Variants in TFDP2 observed in about 807,000 individuals in gnomAD.
The protein encoded by TFDP2 is transcription factor Dp-2 (E2F dimerization partner 2).
In TFDP2, 17 loss-of-function variants were observed where a neutral mutation model predicts 59.3. The observed-to-expected ratio is 0.29, with a 90% CI of 0.20 to 0.43. The LOEUF (loss-of-function observed/expected upper bound fraction) is 0.43, where lower values mean the gene tolerates loss of function less well. Among genes scored for constraint, TFDP2 ranks in the 20% least tolerant of loss-of-function variants. TFDP2 has a pLI of 1.00. For synonymous variants in TFDP2, 180 were observed against 194.7 expected (o/e 0.92, Z 0.63); for missense variants, 391 against 528.8 (o/e 0.74, Z 2.56).
At chr3:142,025,527 A>G (rs1276772309) in intron 3 of TFDP2, among the ~76,000 whole-genome samples, 1 of 152,234 alleles carries the variant, frequency 6.6e-6, no homozygotes, top group African/African-American at 2.4e-5. Context: ...TTATAATCAC[A>G]ATCTATGATG....
chr3:141,984,007 C>A (rs191910185), intron 6 of TFDP2, among the ~76,000 whole-genome samples: 20 of 152,310 alleles, frequency 1.3e-4, no homozygotes, highest in African/African-American at 4.8e-4. Context: ...GATATTTGTA[C>A]ACCCATGCTC....
intron 3 of TFDP2, among the ~76,000 whole-genome samples, chr3:142,014,846 G>A (rs988162111): frequency 3.3e-5 from 5 of 151,986 alleles, no homozygotes; most frequent in Non-Finnish European, 5.9e-5. Flanking sequence ...GACCATCCAC[G>A]GTCCTCCAGT....
chr3:141,988,664 CTTTTCT>C (rs1433725686), intron 6 of TFDP2, among the ~76,000 whole-genome samples: 3 of 118,622 alleles, frequency 2.5e-5, no homozygotes, highest in African/African-American at 2.8e-5. Flanking sequence ...GCAATCTTTT[CTTTTCT>C]TTTTTTTTTT....
In TFDP2 at chr3:142,149,327, T is replaced by C. The variant is rs1011855476; in HGVS notation, c.-237A>G. 11 of 392,928 alleles carry C rather than the reference T, an allele frequency of 2.8e-5. No homozygotes were observed. The highest frequency in any genetic ancestry group is 4.5e-5 in the Non-Finnish European group (10 of 222,828). 24.3% of individuals were successfully genotyped at this position (392,928 alleles called of 1,614,324 possible). The stretch of plus-strand genomic sequence containing the variant: ...GACTCACACCCGGGGAGACGCGGCC[T>C]GCCCGGTCAAGGCCCAGGAGTTTGA... On this transcript the variant is annotated 5_prime_UTR_variant, in exon 1 of 13. Transcript: ENST00000489671.
intron 9 of TFDP2, among the ~76,000 whole-genome samples, chr3:141,969,215 ATATC>A (rs1939270211): frequency 9.6e-6 from 1 of 104,684 alleles, no homozygotes; most frequent in Non-Finnish European, 1.9e-5. Context: ...ACATATATAT[ATATC>A]TCATATATAT....
chr3:141,999,231 A>C (rs1274274229), intron 4 of TFDP2, among the ~76,000 whole-genome samples: 1 of 152,210 alleles, frequency 6.6e-6, no homozygotes, highest in Non-Finnish European at 1.5e-5. Flanking sequence ...ATGAATTATA[A>C]ATGTATTTTC....
chr3:142,117,529 G>A (rs2061888323), intron 1 of TFDP2, among the ~76,000 whole-genome samples: 1 of 152,080 alleles, frequency 6.6e-6, no homozygotes, highest in Admixed American at 6.6e-5. Flanking sequence ...CTGTGAGAAA[G>A]AGCAGAGGGG....
intron 3 of TFDP2, among the ~76,000 whole-genome samples, chr3:142,024,866 A>G (rs1366240922): frequency 2.0e-5 from 3 of 152,074 alleles, no homozygotes; most frequent in Admixed American, 6.6e-5. Context: ...CTAAAAATAC[A>G]AAAATTAGCC....
At chr3:142,107,593 T>C (rs1306802507) in intron 1 of TFDP2, among the ~76,000 whole-genome samples, 1 of 152,174 alleles carries the variant, frequency 6.6e-6, no homozygotes, top group Non-Finnish European at 1.5e-5. Context: ...GCAGCATATC[T>C]AGGCATTCTC....
rs149163156 is a variant in TFDP2, at chr3:141,983,419, T to A, written c.357-4737A>T. Among the ~76,000 whole-genome samples, 901 of 152,134 alleles carry A rather than the reference T, an allele frequency of 5.9e-3. 2 individuals carry two copies. The highest frequency in any genetic ancestry group is 0.01 in the Middle Eastern group (3 of 294). ...TGGGAGGCCAAGGCAAGTGGATCAC[T>A]TGAGGTCAGGAGTTAGAGACCAGCC... On this transcript the variant is annotated intron_variant, in intron 6 of 12. Coordinates refer to ENST00000489671, the MANE Select transcript of TFDP2 (RefSeq NM_001178139.2).
intron 3 of TFDP2, among the ~76,000 whole-genome samples, chr3:142,065,666 C>T (rs2060053979): frequency 6.6e-6 from 1 of 151,842 alleles, no homozygotes; most frequent in African/African-American, 2.4e-5. Flanking sequence ...TGCACACCCC[C>T]ATACCTGGCT....
At chr3:141,985,309 G>A (rs997115985) in intron 6 of TFDP2, among the ~76,000 whole-genome samples, 6 of 151,842 alleles carry the variant, frequency 4.0e-5, no homozygotes, top group South Asian at 2.1e-4. Context: ...CAGGCAGATC[G>A]CCTGAGCCCA....
rs60581045 is a variant in TFDP2, at chr3:142,075,906, C to CAAAAAA, written c.82+17149_82+17154dup. Among the ~76,000 whole-genome samples, 41 of 80,704 alleles carry CAAAAAA rather than the reference C, an allele frequency of 5.1e-4. 1 individual carries two copies. Among genetic ancestry groups the CAAAAAA allele is most frequent in the Non-Finnish European group, 8.0e-4 (34 of 42,538 alleles). 52.9% of individuals were successfully genotyped at this position (80,704 alleles called of 152,430 possible). A position where few individuals can be genotyped will look rare whatever the true frequency, so the allele number is the denominator to read the frequency against. On this transcript the variant is annotated intron_variant, in intron 3 of 12. Transcript: ENST00000489671. ...TGGGCAACAGAGCCAGAACCTGCCT[C>CAAAAAA]AAAAAAAAAAAAAAAAAAGGCTTTC...
chr3:142,056,551 G>A (rs886876850), intron 3 of TFDP2, among the ~76,000 whole-genome samples: 8 of 152,118 alleles, frequency 5.3e-5, no homozygotes, highest in Non-Finnish European at 1.0e-4. Context: ...GTAGAAGTAT[G>A]TTCCAAATAT....
chr3:142,044,036 C>T, intron 3 of TFDP2: 1 of 665,110 alleles, frequency 1.5e-6, no homozygotes, highest in Non-Finnish European at 2.8e-6. Context: ...GGACTGTCAA[C>T]AGGCTTGCTG....
intron 1 of TFDP2, among the ~76,000 whole-genome samples, chr3:142,143,009 G>A (rs2063016850): frequency 6.6e-6 from 1 of 152,264 alleles, no homozygotes; most frequent in Non-Finnish European, 1.5e-5. Context: ...GCCAAGGCGA[G>A]CAGATCACTT....
At chr3:141,956,367 C>G (rs1321012048) in intron 11 of TFDP2, among the ~76,000 whole-genome samples, 1 of 152,062 alleles carries the variant, frequency 6.6e-6, no homozygotes, top group African/African-American at 2.4e-5. Context: ...GCCTGGCCAA[C>G]GTGGTGAAAC....
chr3:141,970,212 C>T (rs1286184484), intron 8 of TFDP2, 71 bp from the exon 9 acceptor site: 3 of 1,429,908 alleles, frequency 2.1e-6, no homozygotes, highest in Non-Finnish European at 2.9e-6. Flanking sequence ...TTCCAGGTCC[C>T]TATTCTGAGA....
intron 3 of TFDP2, among the ~76,000 whole-genome samples, chr3:142,042,938 C>G (rs1366780534): frequency 6.6e-6 from 1 of 151,576 alleles, no homozygotes; most frequent in East Asian, 2.0e-4. Context: ...GACGGTTTTT[C>G]TCCTTGTTGG....
Sources: gnomAD v4.1 joint callset for allele counts (sites outside exome capture counted in the v4.1 genomes callset) on GRCh38, gnomAD v4.1.1 for gene constraint, MANE v1.5 for transcripts, NCBI Gene and HGNC (gene_info 2026-07-23, HGNC 2026-07-21) for gene names.